The following CDIN1 variants were observed in gnomAD, a reference collection of about 807,000 sequenced individuals.
CDIN1 encodes CDAN1-interacting nuclease 1.
A neutral mutation model predicts 45.3 loss-of-function variants in CDIN1; 33 were observed. The observed-to-expected ratio is 0.73, with a 90% CI of 0.55 to 0.97. The LOEUF is 0.97. Ranked by LOEUF, CDIN1 falls within the 50% of genes least tolerant of loss-of-function variation. The probability of loss-of-function intolerance (pLI) is 0.00; values close to 1 mark genes in which losing one functional copy is unlikely to be tolerated. For missense variants in CDIN1, 303 were observed against 339.4 expected, an observed-to-expected ratio of 0.89 and a Z score of 0.84; for synonymous variants, 118 against 124.4, an observed-to-expected ratio of 0.95 and a Z score of 0.34.
intron 10 of CDIN1, among the ~76,000 whole-genome samples, chr15:36,746,565 T>C (rs1281234887): frequency 6.6e-6 from 1 of 152,018 alleles, no homozygotes; most frequent in Non-Finnish European, 1.5e-5. Flanking sequence ...TGGTGTGCTA[T>C]GTTCTCTGTT....
chr15:36,753,831 C>T (rs995275779), intron 10 of CDIN1, among the ~76,000 whole-genome samples: 1 of 151,916 alleles, frequency 6.6e-6, no homozygotes, highest in African/African-American at 2.4e-5. Context: ...TTTCACCCCC[C>T]AGAAAAGGAC....
intron 10 of CDIN1, among the ~76,000 whole-genome samples, chr15:36,766,677 T>A (rs1223248627): frequency 6.6e-6 from 1 of 152,220 alleles, no homozygotes; most frequent in Non-Finnish European, 1.5e-5. Flanking sequence ...TTAGTCATGC[T>A]GAGCAAGTTT....
At chr15:36,730,213 T>C (rs1351809572) in intron 10 of CDIN1, among the ~76,000 whole-genome samples, 1 of 152,136 alleles carries the variant, frequency 6.6e-6, no homozygotes, top group Non-Finnish European at 1.5e-5. Context: ...ATTAAAAATA[T>C]TGTGAAGTCT....
chr15:36,657,917 T>C lies in CDIN1; in HGVS notation c.346+12T>C. ...CGAGGAAACTCCACGTGAGTTACCC[T>C]TTTTTCCTAATGGTACTCTTTTACT... On this transcript the variant is annotated intron_variant, in intron 5 of 10. Coordinates refer to ENST00000566621, the MANE Select transcript of CDIN1 (RefSeq NM_001321759.2). 1 of 1,596,826 alleles carries C rather than the reference T, an allele frequency of 6.3e-7. No homozygotes were observed.
intron 8 of CDIN1, among the ~76,000 whole-genome samples, chr15:36,698,726 A>G (rs1453290882): frequency 6.6e-6 from 1 of 152,094 alleles, no homozygotes; most frequent in Non-Finnish European, 1.5e-5. Flanking sequence ...AAGCAGCATC[A>G]TTGTCAGAGC....
intron 10 of CDIN1, among the ~76,000 whole-genome samples, chr15:36,724,479 A>G (rs1243048418): frequency 3.3e-5 from 5 of 152,184 alleles, no homozygotes; most frequent in Non-Finnish European, 7.3e-5. Context: ...GCTATTAAAG[A>G]ATTGGGAATA....
chr15:36,607,366 T>C (rs191915532), intron 1 of CDIN1, among the ~76,000 whole-genome samples: 1 of 152,328 alleles, frequency 6.6e-6, no homozygotes, highest in East Asian at 1.9e-4. Flanking sequence ...CACAGGAGAA[T>C]ACGAGGAGGT....
intron 1 of CDIN1, chr15:36,617,283 T>C: frequency 9.2e-7 from 1 of 1,090,088 alleles, no homozygotes; most frequent in South Asian, 1.2e-5. Context: ...AAGATATATG[T>C]AAAGAATATG....
chr15:36,591,509 A>T (rs779783205), intron 1 of CDIN1, among the ~76,000 whole-genome samples: 3 of 152,196 alleles, frequency 2.0e-5, no homozygotes, highest in Non-Finnish European at 4.4e-5. Flanking sequence ...TAATGGATGA[A>T]GTTAAAATTA....
rs113584084 is a variant in CDIN1 at position 36,672,313 on chromosome 15, G to A, written c.346+14408G>A. Among the ~76,000 whole-genome samples the A allele has an allele frequency of 4.8e-3, 722 of 151,502 alleles. 9 individuals are homozygous for A. Among genetic ancestry groups the A allele is most frequent in the African/African-American group, 0.017 (687 of 41,310 alleles). On this transcript the variant is annotated intron_variant, in intron 5 of 10. Transcript: ENST00000566621. ...TTAGAGTAGTTATACTTTTTTTATT[G>A]TAACATCAAAGGATCTCTGTATCAA...
intron 1 of CDIN1, among the ~76,000 whole-genome samples, chr15:36,603,853 T>A (rs2038227782): frequency 6.6e-6 from 1 of 151,994 alleles, no homozygotes; most frequent in Non-Finnish European, 1.5e-5. Context: ...CATTAAACAT[T>A]ATTTTAAAAA....
intron 8 of CDIN1, among the ~76,000 whole-genome samples, chr15:36,698,432 G>C (rs888862345): frequency 6.6e-6 from 1 of 152,180 alleles, no homozygotes; most frequent in Non-Finnish European, 1.5e-5. Context: ...TTAAATTTCA[G>C]TATGTAGAAG....
At chr15:36,613,536 A>G (rs1405458528) in intron 1 of CDIN1, 11 of 1,525,496 alleles carry the variant, frequency 7.2e-6, no homozygotes, top group Non-Finnish European at 9.9e-6. Context: ...CAGCAGGCAG[A>G]TGATGCAGAG....
intron 1 of CDIN1, among the ~76,000 whole-genome samples, chr15:36,623,065 T>A (rs975676397): frequency 1.3e-5 from 2 of 152,192 alleles, no homozygotes; most frequent in Non-Finnish European, 2.9e-5. Context: ...AATTTTGCAT[T>A]TTTTTAGGGC....
intron 10 of CDIN1, among the ~76,000 whole-genome samples, chr15:36,732,712 A>G (rs568919467): frequency 1.3e-5 from 2 of 152,180 alleles, no homozygotes; most frequent in Non-Finnish European, 2.9e-5. Context: ...CTTTGTATAC[A>G]TTGAAATTGT....
chr15:36,640,505 G>C (rs922592567), intron 1 of CDIN1: 21 of 331,692 alleles, frequency 6.3e-5, no homozygotes, highest in African/African-American at 4.5e-4. Flanking sequence ...TTTTCTCAGA[G>C]AATGTTGAGC....
intron 10 of CDIN1, chr15:36,747,374 T>G (rs2044482923): frequency 5.6e-6 from 1 of 178,312 alleles, no homozygotes; most frequent in African/African-American, 2.3e-5. Flanking sequence ...ACGGCTTCAG[T>G]TGGCCTAGAG....
chr15:36,644,355 A>C, intron 2 of CDIN1, 32 bp downstream of exon 2: 1 of 1,598,580 alleles, frequency 6.3e-7, no homozygotes, highest in Non-Finnish European at 8.6e-7. Context: ...GAGGGTTGAC[A>C]GGTGCCTAAT....
intron 10 of CDIN1, among the ~76,000 whole-genome samples, chr15:36,807,761 G>A (rs1332466426): frequency 6.6e-6 from 1 of 152,194 alleles, no homozygotes; most frequent in Non-Finnish European, 1.5e-5. Flanking sequence ...GTAATGCAGA[G>A]AGTAAAGGGA....
Sources: gnomAD v4.1 joint callset for allele counts (sites outside exome capture counted in the v4.1 genomes callset) on GRCh38, gnomAD v4.1.1 for gene constraint, MANE v1.5 for transcripts, NCBI Gene and HGNC (gene_info 2026-07-23, HGNC 2026-07-21) for gene names.